The following ATP13A5 variants were observed in gnomAD, a reference collection of about 807,000 sequenced individuals.
The protein encoded by ATP13A5 is probable cation-transporting ATPase 13A5.
ATP13A5 carries 149 observed loss-of-function variants against 150.2 expected under a neutral mutation model. The ratio of observed to expected loss-of-function variants is 0.99; its 90% CI spans 0.87 to 1.14. The LOEUF (loss-of-function observed/expected upper bound fraction) is 1.14. Among genes scored for constraint, ATP13A5 ranks in the 50% most tolerant of loss-of-function variants. The pLI, the probability that ATP13A5 is intolerant of heterozygous loss-of-function variation, is 0.00. For missense variants in ATP13A5, 1,383 were observed against 1,449.3 expected, an observed-to-expected ratio of 0.95 and a Z score of 0.74; for synonymous variants, 497 against 522.2, an observed-to-expected ratio of 0.95 and a Z score of 0.66.
intron 22 of ATP13A5, among the ~76,000 whole-genome samples, chr3:193,306,917 A>C (rs1463111673): frequency 6.6e-6 from 1 of 152,214 alleles, no homozygotes; most frequent in Non-Finnish European, 1.5e-5. Flanking sequence ...TATAATTCAA[A>C]ACTTTAATCA....
chr3:193,301,146 C>A, intron 24 of ATP13A5, 65 bp downstream of exon 24: 2 of 1,251,206 alleles, frequency 1.6e-6, no homozygotes, highest in Non-Finnish European at 2.3e-6. Flanking sequence ...AGGAGCTACA[C>A]CCTGAATAAT....
chr3:193,315,700 T>TG (rs1218133344), intron 17 of ATP13A5, among the ~76,000 whole-genome samples: 1 of 152,168 alleles, frequency 6.6e-6, no homozygotes, highest in Non-Finnish European at 1.5e-5. Context: ...AAAGTAAATT[T>TG]GGGGGCCAAG....
At chr3:193,346,727 C>T (rs760095410) in intron 7 of ATP13A5, among the ~76,000 whole-genome samples, 8 of 151,946 alleles carry the variant, frequency 5.3e-5, no homozygotes, top group Non-Finnish European at 7.4e-5. Context: ...ATGAACCCAG[C>T]GTTAATATTT....
intron 13 of ATP13A5, 38 bp from the exon 14 acceptor site, chr3:193,325,052 C>A: frequency 6.3e-7 from 1 of 1,589,788 alleles, no homozygotes; most frequent in African/African-American, 1.3e-5. Context: ...TTGATAAAAT[C>A]ATTTTGCACA....
chr3:193,332,944 G>T (rs1286284399), intron 11 of ATP13A5, among the ~76,000 whole-genome samples: 1 of 151,950 alleles, frequency 6.6e-6, no homozygotes, highest in Non-Finnish European at 1.5e-5. Context: ...TCAAATTCCA[G>T]CCCCAGTGAC....
chr3:193,285,441 G>A lies in ATP13A5; in HGVS notation c.3024-325C>T, dbSNP rs994003294. Among the ~76,000 whole-genome samples the A allele has an allele frequency of 4.6e-5, 7 of 152,206 alleles. No individual in the cohort carries two copies. The East Asian group carries it at 7.7e-4, about 17-fold the overall frequency. On this transcript the variant is annotated intron_variant, in intron 26 of 29. Coordinates refer to ENST00000342358, the MANE Select transcript of ATP13A5 (RefSeq NM_198505.4). ...GTGTGTGTGTGGTTTTCTCTTTCGT[G>A]GACTAAACAAGACTCCTAACTTGAG...
intron 12 of ATP13A5, among the ~76,000 whole-genome samples, chr3:193,329,016 G>A (rs1227757407): frequency 2.0e-5 from 3 of 152,210 alleles, no homozygotes; most frequent in South Asian, 2.1e-4. Flanking sequence ...GGAGGCCGAG[G>A]AGGGTGGATC....
chr3:193,338,809 G>A (rs1369479627), intron 9 of ATP13A5, among the ~76,000 whole-genome samples: 1 of 152,170 alleles, frequency 6.6e-6, no homozygotes, highest in East Asian at 1.9e-4. Flanking sequence ...AGAAGGACTG[G>A]TACCAGCTTC....
chr3:193,372,305 A>AG (rs1713472849), intron 1 of ATP13A5: 1 of 70,716 alleles, frequency 1.4e-5, no homozygotes, highest in Non-Finnish European at 2.9e-5. Flanking sequence ...AAAAAAAAAA[A>AG]AAAAAAAGGG....
intron 28 of ATP13A5, chr3:193,277,502 C>G (rs901536575): frequency 1.3e-5 from 2 of 152,284 alleles, no homozygotes; most frequent in African/African-American, 4.8e-5. Flanking sequence ...TTATGGCTGA[C>G]TGCGTGTGGG....
chr3:193,365,426 T>G (rs1203660542), intron 1 of ATP13A5, among the ~76,000 whole-genome samples: 1 of 152,140 alleles, frequency 6.6e-6, no homozygotes, highest in East Asian at 1.9e-4. Flanking sequence ...ATTTTGAGAT[T>G]ATTCAAATAA....
At chr3:193,347,844 G>T (rs919602857) in intron 7 of ATP13A5, among the ~76,000 whole-genome samples, 2 of 152,134 alleles carry the variant, frequency 1.3e-5, no homozygotes, top group South Asian at 4.1e-4. Context: ...TTCTCAGGAA[G>T]AATTCATTGT....
intron 25 of ATP13A5, 71 bp downstream of exon 25, chr3:193,299,060 T>C (rs1408885021): frequency 7.4e-7 from 1 of 1,350,106 alleles, no homozygotes; most frequent in Non-Finnish European, 1.0e-6. Context: ...AAAAGTTCCT[T>C]TTTGTGTGAC....
chr3:193,312,447 A>G (rs1164276345), intron 19 of ATP13A5, among the ~76,000 whole-genome samples: 1 of 152,012 alleles, frequency 6.6e-6, no homozygotes, highest in Non-Finnish European at 1.5e-5. Context: ...ATCTCTTTCT[A>G]TCATGGTTCC....
At position 193,289,947 on chromosome 3, in the gene ATP13A5, C is replaced by T. The variant is rs746716629; in HGVS notation, c.2961G>A (p.Val987=). The change falls in exon 26 of 30, where the codon GTG becomes GTA. Residue 987 remains valine (V), a synonymous_variant. Coordinates refer to ENST00000342358, the MANE Select transcript of ATP13A5 (RefSeq NM_198505.4). ...TCACATAGAGAAATGCACTGATCTG[C>T]ACAATGCAGGAGAAACAGGAATTCA... ...IFLNSCFSCI[V]QISAFLYVKQ... The T allele has an allele frequency of 1.2e-6, 2 of 1,612,864 alleles. No homozygotes were observed. Among genetic ancestry groups the T allele is most frequent in the Non-Finnish European group, 1.7e-6 (2 of 1,179,238 alleles).
chr3:193,347,633 A>C (rs2108888006), intron 7 of ATP13A5, among the ~76,000 whole-genome samples: 1 of 152,036 alleles, frequency 6.6e-6, no homozygotes, highest in South Asian at 2.1e-4. Flanking sequence ...ATCATACTTG[A>C]CTGTAATTCT....
Position 193,333,775 on chromosome 3 carries a change from G to T in ATP13A5, c.1247C>A (p.Ala416Asp). 1 of 1,613,748 alleles carries T rather than the reference G, an allele frequency of 6.2e-7. No homozygotes were observed. The highest frequency in any genetic ancestry group is 8.5e-7 in the Non-Finnish European group (1 of 1,179,792). The stretch of plus-strand genomic sequence containing the variant: ...TCCATGGTACATATATACCCCTAGG[G>T]CATAGAAAAAACCCATGACACCAAG... ...ACLGVMGFFYALGVYMYHGVP... is the reference protein window; with the variant it reads ...ACLGVMGFFYDLGVYMYHGVP... The change falls in exon 11 of 30, where the codon GCC (alanine) becomes GAC (aspartate). Residue 416 changes from alanine to aspartate, a missense_variant. This residue lies in a region of ATP13A5 where 787 missense variants were observed against 771.9 expected (regional missense o/e 1.02). Coordinates refer to ENST00000342358, the MANE Select transcript of ATP13A5 (RefSeq NM_198505.4).
At chr3:193,348,944 C>G (rs1360299260) in intron 7 of ATP13A5, among the ~76,000 whole-genome samples, 1 of 152,102 alleles carries the variant, frequency 6.6e-6, no homozygotes, top group Non-Finnish European at 1.5e-5. Flanking sequence ...GAGTAAGTCC[C>G]TTCACCTCCT....
At chr3:193,318,937 C>T in intron 17 of ATP13A5, 54 bp downstream of exon 17, 2 of 1,262,444 alleles carry the variant, frequency 1.6e-6, no homozygotes, top group Non-Finnish European at 1.2e-6. Flanking sequence ...ATCTCCAGGA[C>T]TCGCACTTCA....
Sources: gnomAD v4.1 joint callset for allele counts (sites outside exome capture counted in the v4.1 genomes callset) on GRCh38, gnomAD v4.1.1 for gene constraint, gnomAD v4.1.1 regional missense constraint, MANE v1.5 for transcripts, NCBI Gene and HGNC (gene_info 2026-07-23, HGNC 2026-07-21) for gene names.